PKD2: variants seen among roughly 807,000 people sequenced by gnomAD.
PKD2 encodes the protein polycystin 2, transient receptor potential cation channel.
In PKD2, 48 loss-of-function variants were observed where a neutral mutation model predicts 105.9. The observed-to-expected ratio is 0.45, with a 90% confidence interval of 0.36 to 0.58. The LOEUF (loss-of-function observed/expected upper bound fraction) is 0.58, where lower values mean the gene tolerates loss of function less well. Ranked by LOEUF, PKD2 falls within the 20% of genes least tolerant of loss-of-function variation. The pLI is 0.00. For synonymous variants in PKD2, 464 were observed against 481.1 expected, an observed-to-expected ratio of 0.96 and a Z score of 0.46; for missense variants, 1,078 against 1,255.3, an observed-to-expected ratio of 0.86 and a Z score of 2.13.
intron 3 of PKD2, among the ~76,000 whole-genome samples, chr4:88,037,496 T>C (rs953144232): frequency 3.3e-5 from 5 of 152,202 alleles, no homozygotes; most frequent in African/African-American, 1.2e-4. Context: ...TACTACACCC[T>C]GGGGTCAGAG....
chr4:88,060,178 C>T lies in PKD2; in HGVS notation c.2020-1728C>T, dbSNP rs116685328. 7.6e-3 allele frequency among the ~76,000 whole-genome samples: 1,155 copies of T among 152,206 alleles called. 21 individuals are homozygous for T. Among genetic ancestry groups the T allele is most frequent in the African/African-American group, 0.027 (1,101 of 41,520 alleles). ...GTATTGGCAGGCATTAGTTAACAGC[C>T]ACTTGGAAGCAAAAATAGAACATTA... On this transcript the variant is annotated intron_variant, in intron 9 of 14. Coordinates refer to ENST00000237596, the MANE Select transcript of PKD2 (RefSeq NM_000297.4).
chr4:88,015,327 G>T (rs912974169), intron 1 of PKD2, among the ~76,000 whole-genome samples: 1 of 152,164 alleles, frequency 6.6e-6, no homozygotes, highest in Non-Finnish European at 1.5e-5. Flanking sequence ...TTGGCATTGA[G>T]TTGATATTGT....
chr4:88,075,856 C>T lies in PKD2; in HGVS notation c.*162C>T, dbSNP rs1456050782. On this transcript the variant is annotated 3_prime_UTR_variant, in exon 15 of 15. Transcript: ENST00000237596. Reference sequence around the variant, plus strand: ...TTAATTTATTTTATATAAACTTTACCCATGGTTCAAAGATTTTTTTTTCTT... The same window carrying T: ...TTAATTTATTTTATATAAACTTTACTCATGGTTCAAAGATTTTTTTTTCTT... The T allele has an allele frequency of 2.9e-6, 2 of 684,750 alleles. No homozygotes were observed. The highest frequency in any genetic ancestry group is 1.8e-5 in the African/African-American group (1 of 55,090). The allele number at this position is 684,750 out of a possible 1,614,324, so 42.4% of individuals were successfully genotyped here.
chr4:88,020,834 T>C (rs1219334829), intron 2 of PKD2, among the ~76,000 whole-genome samples: 1 of 152,084 alleles, frequency 6.6e-6, no homozygotes, highest in Non-Finnish European at 1.5e-5. Context: ...GGACTACAGC[T>C]GCACACCACC....
chr4:88,042,967 A>G (rs1281421705), intron 4 of PKD2, among the ~76,000 whole-genome samples: 1 of 152,198 alleles, frequency 6.6e-6, no homozygotes, highest in East Asian at 1.9e-4. Flanking sequence ...TCTAGGGACA[A>G]ACAGCCCTGG....
chr4:88,043,016 A>G (rs915734116), intron 4 of PKD2, among the ~76,000 whole-genome samples: 2 of 152,222 alleles, frequency 1.3e-5, no homozygotes, highest in African/African-American at 4.8e-5. Context: ...CTTTGGGACT[A>G]CATTGACCTC....
chr4:88,046,955 C>A (rs1727798387), intron 6 of PKD2, 85 bp downstream of exon 6: 2 of 820,346 alleles, frequency 2.4e-6, no homozygotes, highest in Admixed American at 3.5e-5. Flanking sequence ...CATTGTGGAT[C>A]TTGATATTCC....
At chr4:88,050,396 G>T (rs1487598974) in intron 6 of PKD2, among the ~76,000 whole-genome samples, 2 of 152,092 alleles carry the variant, frequency 1.3e-5, no homozygotes, top group Non-Finnish European at 2.9e-5. Context: ...CAATTTTCTG[G>T]TATGGAGAGA....
At chr4:88,075,352 T>G (rs1303930273) in intron 14 of PKD2, 106 bp from the exon 15 acceptor site, 22 of 875,986 alleles carry the variant, frequency 2.5e-5, no homozygotes. Flanking sequence ...TGCTATTATA[T>G]GCTGTAAATC....
intron 2 of PKD2, among the ~76,000 whole-genome samples, chr4:88,020,763 C>T (rs1454278065): frequency 2.6e-5 from 4 of 151,174 alleles, no homozygotes; most frequent in Admixed American, 1.3e-4. Flanking sequence ...AATCATAGCT[C>T]ACTGCAGCCT....
At chr4:88,009,807 T>C (rs540237896) in intron 1 of PKD2, among the ~76,000 whole-genome samples, 1 of 152,332 alleles carries the variant, frequency 6.6e-6, no homozygotes, top group South Asian at 2.1e-4. Context: ...TTAAAAAATA[T>C]TCACTGAAGT....
intron 13 of PKD2, among the ~76,000 whole-genome samples, chr4:88,073,783 A>T (rs768034814): frequency 2.6e-5 from 4 of 152,186 alleles, no homozygotes; most frequent in Non-Finnish European, 4.4e-5. Flanking sequence ...CATTTGCTGT[A>T]CACCCTTAAA....
At chr4:88,050,167 G>C (rs910743776) in intron 6 of PKD2, among the ~76,000 whole-genome samples, 3 of 151,882 alleles carry the variant, frequency 2.0e-5, no homozygotes, top group Non-Finnish European at 2.9e-5. Context: ...GTAGAGACAG[G>C]GTTTCACCGA....
At chr4:88,016,724 G>A (rs1560596579) in intron 1 of PKD2, among the ~76,000 whole-genome samples, 4 of 152,148 alleles carry the variant, frequency 2.6e-5, no homozygotes. Context: ...ACTTTGAGAG[G>A]CCAAGGTGAG....
At position 88,031,681 on chromosome 4, in the gene PKD2, T is replaced by C. The variant is rs558604136; in HGVS notation, c.710-4539T>C. Among the ~76,000 whole-genome samples the C allele has an allele frequency of 1.5e-3, 236 of 152,354 alleles. No individual in the cohort carries two copies. The Middle Eastern group carries it at 0.017, about 11-fold the overall frequency. On this transcript the variant is annotated intron_variant, in intron 2 of 14. Transcript: ENST00000237596. ...CAAGTCATATATTTAATTCAAACCC[T>C]TAATATTCCTAGGTAATTTTTGTCT...
At chr4:88,070,202 T>A (rs936879044) in intron 13 of PKD2, among the ~76,000 whole-genome samples, 2 of 152,196 alleles carry the variant, frequency 1.3e-5, no homozygotes, top group Admixed American at 1.3e-4. Flanking sequence ...AGACAGGTGC[T>A]AATTTTACTG....
At chr4:88,021,289 A>G (rs182356085) in intron 2 of PKD2, among the ~76,000 whole-genome samples, 200 of 152,332 alleles carry the variant, frequency 1.3e-3, no homozygotes, top group Non-Finnish European at 1.3e-3. Context: ...GAGCCTCCAT[A>G]ATGTAGCCTA....
rs767100502 is a variant in PKD2 at position 88,019,529 on chromosome 4, G to A, written c.667G>A (p.Glu223Lys). The change falls in exon 2 of 15, where the codon GAA becomes AAA. Residue 223 changes from glutamate (E) to lysine (K), a missense_variant. Coordinates refer to ENST00000237596, the MANE Select transcript of PKD2 (RefSeq NM_000297.4). ...GAAATACCTTAAAAGTGTTTTACGG[G>A]AACTGGTCACATACCTCCTTTTTCT... ...REKYLKSVLR[E>K]LVTYLLFLIV... The A allele has an allele frequency of 6.2e-7, 1 of 1,604,402 alleles. No homozygotes were observed.
intron 2 of PKD2, among the ~76,000 whole-genome samples, chr4:88,025,462 A>G (rs1726922419): frequency 1.3e-5 from 2 of 151,790 alleles, no homozygotes; most frequent in South Asian, 2.1e-4. Context: ...AAAAAAATAA[A>G]AATTAGCCAG....
Sources: allele counts gnomAD v4.1 joint callset (sites outside exome capture counted in the v4.1 genomes callset), GRCh38; gene constraint gnomAD v4.1.1; transcripts MANE v1.5; gene names NCBI Gene and HGNC (gene_info 2026-07-23, HGNC 2026-07-21).